EPHA5: variants seen among roughly 807,000 people sequenced by gnomAD.
The protein encoded by EPHA5 is EPH receptor A5.
Under a neutral mutation model 105.0 loss-of-function variants are expected in EPHA5, and 60 were observed. The observed-to-expected ratio is 0.57, with a 90% CI of 0.46 to 0.71. The LOEUF (loss-of-function observed/expected upper bound fraction) is 0.71, where lower values mean the gene tolerates loss of function less well. Ranked by LOEUF, EPHA5 falls within the 30% of genes least tolerant of loss-of-function variation. EPHA5 has a pLI of 0.00. For missense variants in EPHA5, 1,218 were observed against 1,274.7 expected, an observed-to-expected ratio of 0.96 and a Z score of 0.68; for synonymous variants, 513 against 449.1, an observed-to-expected ratio of 1.14 and a Z score of -1.80.
chr4:65,401,927 GAGAGAA>G (rs1168231915), intron 8 of EPHA5, among the ~76,000 whole-genome samples: 6 of 151,446 alleles, frequency 4.0e-5, no homozygotes, highest in Non-Finnish European at 8.8e-5. Flanking sequence ...GAGAGAGAGA[GAGAGAA>G]AGAGAGAGAG....
chr4:65,391,396 C>T (rs928279222), intron 8 of EPHA5, among the ~76,000 whole-genome samples: 10 of 151,962 alleles, frequency 6.6e-5, no homozygotes, highest in East Asian at 3.9e-4. Context: ...TTCTTTTTTT[C>T]CTGGTTCATG....
intron 5 of EPHA5, among the ~76,000 whole-genome samples, chr4:65,448,185 G>A (rs1267278603): frequency 6.7e-6 from 1 of 148,988 alleles, no homozygotes; most frequent in Non-Finnish European, 1.5e-5. Flanking sequence ...TCTTTTAGAG[G>A]ACAATTAAAA....
intron 9 of EPHA5, among the ~76,000 whole-genome samples, 182 bp from the exon 10 acceptor site, chr4:65,366,239 A>G (rs1458608797): frequency 6.6e-6 from 1 of 151,780 alleles, no homozygotes; most frequent in Non-Finnish European, 1.5e-5. Context: ...AATTTCAGAA[A>G]TCTGTTTGCA....
chr4:65,531,015 ATT>A (rs200655975), intron 3 of EPHA5, among the ~76,000 whole-genome samples: 1 of 107,182 alleles, frequency 9.3e-6, no homozygotes, highest in African/African-American at 3.6e-5. Context: ...TATTTTTTTT[ATT>A]TTTTTTATTT....
chr4:65,656,702 C>A (rs886862677), intron 1 of EPHA5, among the ~76,000 whole-genome samples: 3 of 150,578 alleles, frequency 2.0e-5, no homozygotes, highest in East Asian at 2.0e-4. Context: ...AAGCCTCAAC[C>A]TCCCAGGGCT....
At chr4:65,373,686 T>A (rs1451960101) in intron 8 of EPHA5, among the ~76,000 whole-genome samples, 3 of 151,950 alleles carry the variant, frequency 2.0e-5, no homozygotes, top group Non-Finnish European at 4.4e-5. Context: ...ATTTAAAATA[T>A]TTTTGAAATT....
At chr4:65,489,072 T>C (rs1039341903) in intron 5 of EPHA5, among the ~76,000 whole-genome samples, 3 of 151,872 alleles carry the variant, frequency 2.0e-5, no homozygotes, top group South Asian at 2.1e-4. Flanking sequence ...TTATTATTTT[T>C]ATTTTTAGTA....
chr4:65,627,254 A>G (rs2149485541), intron 2 of EPHA5, among the ~76,000 whole-genome samples: 1 of 152,338 alleles, frequency 6.6e-6, no homozygotes, highest in South Asian at 2.1e-4. Flanking sequence ...CATTCTGCTA[A>G]ACATTTTTCA....
chr4:65,486,008 C>T (rs183295568), intron 5 of EPHA5, among the ~76,000 whole-genome samples: 1 of 152,188 alleles, frequency 6.6e-6, no homozygotes. Flanking sequence ...CACAAATAAT[C>T]AGGAAACATT....
chr4:65,597,402 T>G (rs2149428944), intron 3 of EPHA5, among the ~76,000 whole-genome samples: 1 of 152,174 alleles, frequency 6.6e-6, no homozygotes, highest in South Asian at 2.1e-4. Context: ...TCAAAAACAT[T>G]CACTTCAATA....
intron 3 of EPHA5, among the ~76,000 whole-genome samples, chr4:65,528,056 T>C (rs577232824): frequency 1.4e-4 from 21 of 152,258 alleles, no homozygotes; most frequent in Admixed American, 8.5e-4. Context: ...GGGCTGGAAT[T>C]TTAAAGTATG....
rs186814447 is a variant in EPHA5, at chr4:65,500,133, A to C, written c.911-4590T>G. Among the ~76,000 whole-genome samples the C allele has an allele frequency of 1.8e-3, 274 of 151,654 alleles. 3 individuals carry two copies. The highest frequency in any genetic ancestry group is 6.3e-3 in the African/African-American group (261 of 41,502). The stretch of plus-strand genomic sequence containing the variant: ...AAATAATTATCTAGATAAGTAGTAC[A>C]ATTTATTTAAATACCAATCCAAAAT... On this transcript the variant is annotated intron_variant, in intron 3 of 16. Transcript: ENST00000613740.
chr4:65,346,459 A>G (rs965213087), intron 14 of EPHA5, among the ~76,000 whole-genome samples: 5 of 152,038 alleles, frequency 3.3e-5, no homozygotes, highest in African/African-American at 1.2e-4. Flanking sequence ...ATTATTTTAT[A>G]TTCTGATTTT....
chr4:65,391,251 A>G (rs1227325679), intron 8 of EPHA5, among the ~76,000 whole-genome samples: 4 of 152,124 alleles, frequency 2.6e-5, no homozygotes, highest in African/African-American at 9.7e-5. Flanking sequence ...GCCTAACCAT[A>G]TCACTTGAAA....
intron 7 of EPHA5, among the ~76,000 whole-genome samples, chr4:65,405,824 A>G (rs1010499182): frequency 6.6e-6 from 1 of 152,062 alleles, no homozygotes; most frequent in Non-Finnish European, 1.5e-5. Flanking sequence ...CAGAGTCGCT[A>G]GTACCCTTTC....
At chr4:65,602,382 A>G (rs2149442705) in intron 2 of EPHA5, 78 bp from the exon 3 acceptor site, 1 of 1,155,674 alleles carries the variant, frequency 8.7e-7, no homozygotes, top group Non-Finnish European at 1.2e-6. Context: ...AAATTATAAA[A>G]GAAAACTAAC....
chr4:65,667,897 T>G (rs1335347160), intron 1 of EPHA5, among the ~76,000 whole-genome samples: 1 of 152,230 alleles, frequency 6.6e-6, no homozygotes, highest in East Asian at 1.9e-4. Context: ...TTCGGTGGAA[T>G]AAGACAGTTA....
intron 5 of EPHA5, among the ~76,000 whole-genome samples, chr4:65,443,865 C>G (rs2149091528): frequency 6.6e-6 from 1 of 151,640 alleles, no homozygotes; most frequent in African/African-American, 2.4e-5. Context: ...TGACCTATTT[C>G]CTTGAAAAAA....
At position 65,490,631 on chromosome 4, in the gene EPHA5, G is replaced by A. The variant is rs1436439294; in HGVS notation, c.1148C>T (p.Thr383Ile). 6.2e-7 allele frequency: 1 copy of A among 1,614,012 alleles called. No homozygotes were observed. The highest frequency in any genetic ancestry group is 8.5e-7 in the Non-Finnish European group (1 of 1,180,032). Reference protein sequence around the residue: ...VFLEWIPPADTGGRKDVSYYI... With the variant: ...VFLEWIPPADIGGRKDVSYYI... ...ATATGACACGTCTTTCCTTCCACCA[G>A]TGTCAGCAGGCGGAATCCATTCCAG... Residue 383 changes from threonine (T) to isoleucine (I), a missense_variant, in exon 5 of 17, where the codon ACT becomes ATT. Thr to Ile is a moderately conservative substitution (Grantham distance 89, BLOSUM62 -1). Transcript: ENST00000613740.
Sources: allele counts gnomAD v4.1 joint callset (sites outside exome capture counted in the v4.1 genomes callset), GRCh38; gene constraint gnomAD v4.1.1; transcripts MANE v1.5; gene names NCBI Gene and HGNC (gene_info 2026-07-23, HGNC 2026-07-21).